Variants in RASGRF1 observed in about 807,000 individuals in gnomAD.
RASGRF1 encodes the protein Ras protein specific guanine nucleotide releasing factor 1, also known as ras-specific guanine nucleotide-releasing factor 1.
A neutral mutation model predicts 138.7 loss-of-function variants in RASGRF1; 40 were observed. That is an observed-to-expected ratio of 0.29 (90% confidence interval 0.22 to 0.38). The LOEUF (loss-of-function observed/expected upper bound fraction) is 0.38. Among genes scored for constraint, RASGRF1 ranks in the 10% least tolerant of loss-of-function variants. The pLI is 1.00. For missense variants in RASGRF1, 1,108 were observed against 1,650.4 expected (o/e 0.67, Z 5.69); for synonymous variants, 614 against 663.2 (o/e 0.93, Z 1.14).
intron 26 of RASGRF1, among the ~76,000 whole-genome samples, chr15:78,965,008 G>A (rs1445040703): frequency 1.3e-5 from 2 of 152,028 alleles, no homozygotes; most frequent in Non-Finnish European, 2.9e-5. Flanking sequence ...ATGAGCCACC[G>A]CGCCCGGCCG....
Position 78,973,447 on chromosome 15 carries a change from G to A in RASGRF1, c.3495-27C>T. On this transcript the variant is annotated intron_variant, in intron 24 of 26. Transcript: ENST00000558480. This position sits in a 1 kb window ranked among gnomAD's most constrained non-coding sequence, Gnocchi z 4.9. ...TTGGAAGCAAACGGCATTAACACAAGTTTTTCATTTTAAAAAAGTAACGTC... is the reference window on the plus strand; with the variant it reads ...TTGGAAGCAAACGGCATTAACACAAATTTTTCATTTTAAAAAAGTAACGTC... 1 of 1,522,402 alleles carries A rather than the reference G, an allele frequency of 6.6e-7. No homozygotes were observed. The highest frequency in any genetic ancestry group is 9.0e-7 in the Non-Finnish European group (1 of 1,105,404). 94.3% of individuals were successfully genotyped at this position (1,522,402 alleles called of 1,614,324 possible).
At chr15:78,971,271 T>C (rs1007343446) in intron 26 of RASGRF1, among the ~76,000 whole-genome samples, 1 of 152,328 alleles carries the variant, frequency 6.6e-6, no homozygotes, top group Middle Eastern at 3.4e-3. Flanking sequence ...AACCTAAATG[T>C]TCATCAATAC....
rs1052658546 is a variant in RASGRF1 at position 79,003,948 on chromosome 15, CTGGTGTAGCCATTGGAGT to C, written c.2285_2302del (p.Asn762_Thr767del). On this transcript the variant is annotated inframe_deletion, in exon 15 of 27. Transcript: ENST00000558480. Reference sequence around the variant, plus strand: ...GAAGGGTGACATGGCCGAGTACATGCTGGTGTAGCCATTGGAGTTGCAGCTGAGGGCGGCCAGGTCCAG... The same window carrying C: ...GAAGGGTGACATGGCCGAGTACATGCTGCAGCTGAGGGCGGCCAGGTCCAG... 23 of 1,614,074 alleles carry C rather than the reference CTGGTGTAGCCATTGGAGT, an allele frequency of 1.4e-5. No individual in the cohort carries two copies. Among genetic ancestry groups the C allele is most frequent in the Non-Finnish European group, 1.9e-5 (23 of 1,180,030 alleles).
At chr15:78,977,239 C>T (rs367928505) in intron 24 of RASGRF1, among the ~76,000 whole-genome samples, 2 of 152,164 alleles carry the variant, frequency 1.3e-5, no homozygotes, top group African/African-American at 4.8e-5. Context: ...GTGGGATGGG[C>T]TATTCTCTCT....
chr15:79,006,467 G>A lies in RASGRF1; in HGVS notation c.1827-33C>T. On this transcript the variant is annotated intron_variant, in intron 13 of 26. Coordinates refer to ENST00000558480, the MANE Select transcript of RASGRF1 (RefSeq NM_001145648.3). This position sits in a 1 kb window ranked among gnomAD's most constrained non-coding sequence, Gnocchi z 4.0. ...GGGAGGAAGGATGCAGAGGTGATGTGGGTCTAAAGGCATCTGAATGGCACC... is the reference window on the plus strand; with the variant it reads ...GGGAGGAAGGATGCAGAGGTGATGTAGGTCTAAAGGCATCTGAATGGCACC... 6.3e-7 allele frequency: 1 copy of A among 1,590,534 alleles called. No homozygotes were observed. The highest frequency in any genetic ancestry group is 8.5e-7 in the Non-Finnish European group (1 of 1,170,322).
chr15:79,013,587 T>C (rs1341082475), intron 13 of RASGRF1, among the ~76,000 whole-genome samples: 1 of 152,256 alleles, frequency 6.6e-6, no homozygotes, highest in East Asian at 1.9e-4. Flanking sequence ...ACCCAGATGA[T>C]TGTTCTGGCA....
Position 79,050,493 on chromosome 15 carries a change from G to A in RASGRF1, c.532-905C>T, listed in dbSNP as rs1201137476. 6.6e-6 allele frequency among the ~76,000 whole-genome samples: 1 copy of A among 152,152 alleles called. No individual in the cohort carries two copies. The highest frequency in any genetic ancestry group is 1.5e-5 in the Non-Finnish European group (1 of 68,020). ...GGTGGCTCCGGGTGAAGTCCTGCTGGCTTGGCGCTTTCCTTCCTGGGCAGC... is the reference window on the plus strand; with the variant it reads ...GGTGGCTCCGGGTGAAGTCCTGCTGACTTGGCGCTTTCCTTCCTGGGCAGC... On this transcript the variant is annotated intron_variant, in intron 3 of 26. Coordinates refer to ENST00000558480, the MANE Select transcript of RASGRF1 (RefSeq NM_001145648.3). The surrounding 1 kb of genome is among the most constrained non-coding windows in gnomAD (Gnocchi z 4.1).
intron 10 of RASGRF1, among the ~76,000 whole-genome samples, chr15:79,024,056 T>C (rs868496920): frequency 1.1e-4 from 15 of 133,704 alleles, no homozygotes; most frequent in African/African-American, 4.0e-4. Context: ...CACACACACA[T>C]ACACATACAC....
chr15:79,069,368 A>G (rs1441614986), intron 1 of RASGRF1, among the ~76,000 whole-genome samples: 3 of 152,194 alleles, frequency 2.0e-5, no homozygotes, highest in Admixed American at 1.3e-4. Flanking sequence ...ACACTGCTGT[A>G]TCTCTCAGGG....
chr15:79,031,812 G>A (rs1384776048), intron 7 of RASGRF1, among the ~76,000 whole-genome samples: 2 of 152,070 alleles, frequency 1.3e-5, no homozygotes, highest in African/African-American at 2.4e-5. Context: ...GAGCAGAACT[G>A]AGGAAGGAGA....
At position 79,071,544 on chromosome 15, in the gene RASGRF1, A is replaced by G. The variant is rs867953795; in HGVS notation, c.277-7018T>C. Among the ~76,000 whole-genome samples the G allele has an allele frequency of 1.2e-4, 16 of 130,182 alleles. No individual in the cohort carries two copies. In the South Asian group the frequency reaches 3.8e-3, roughly 31 times the overall value. The allele number at this position is 130,182 out of a possible 152,430, so 85.4% of individuals were successfully genotyped here. ...CCGGCTAATTTTTTTTTTTTTTTGT[A>G]TTTTTAGTAGAGACGGGGTTTTGCC... is the stretch of plus-strand genomic sequence containing the variant. On this transcript the variant is annotated intron_variant, in intron 1 of 26. Coordinates refer to ENST00000558480, the MANE Select transcript of RASGRF1 (RefSeq NM_001145648.3).
chr15:79,045,317 G>C (rs1373204), intron 5 of RASGRF1, among the ~76,000 whole-genome samples: 1 of 152,276 alleles, frequency 6.6e-6, no homozygotes, highest in African/African-American at 2.4e-5. Flanking sequence ...CAAGGAACAC[G>C]TTCTTCACAT....
chr15:79,019,068 C>CGTGTGTGT (rs147205114), intron 11 of RASGRF1, among the ~76,000 whole-genome samples: 3 of 151,236 alleles, frequency 2.0e-5, no homozygotes, highest in African/African-American at 2.4e-5. Flanking sequence ...TGCATGAGGG[C>CGTGTGTGT]GTGTGTGTGT....
intron 1 of RASGRF1, among the ~76,000 whole-genome samples, chr15:79,078,953 G>A (rs927354235): frequency 6.6e-6 from 1 of 152,228 alleles, no homozygotes; most frequent in Admixed American, 6.5e-5. Context: ...CTCGCTGGGA[G>A]TTGAGAGGAA....
chr15:78,987,884 T>C (rs1317090542), intron 22 of RASGRF1, among the ~76,000 whole-genome samples: 2 of 152,162 alleles, frequency 1.3e-5, no homozygotes, highest in Admixed American at 1.3e-4. Context: ...GGAACCTTGC[T>C]TGCCTTACAC....
At chr15:79,017,643 G>T (rs774019366) in intron 12 of RASGRF1, 127 bp downstream of exon 12, 2 of 1,216,334 alleles carry the variant, frequency 1.6e-6, no homozygotes, top group Non-Finnish European at 2.2e-6. Context: ...GAAGATTCTT[G>T]CATCTTTCTC....
At chr15:78,992,297 G>A (rs957239293) in intron 20 of RASGRF1, among the ~76,000 whole-genome samples, 1 of 152,258 alleles carries the variant, frequency 6.6e-6, no homozygotes, top group African/African-American at 2.4e-5. Context: ...CCTGTGCTCA[G>A]AAGACAGCTG....
chr15:79,084,629 C>T (rs545844105), intron 1 of RASGRF1, among the ~76,000 whole-genome samples: 51 of 152,300 alleles, frequency 3.3e-4, no homozygotes, highest in African/African-American at 1.1e-3. Context: ...CGTGGGGCTC[C>T]GCTGGTTTCT....
chr15:79,035,747 G>C (rs1002836400), intron 5 of RASGRF1, among the ~76,000 whole-genome samples: 1 of 152,224 alleles, frequency 6.6e-6, no homozygotes, highest in Non-Finnish European at 1.5e-5. Flanking sequence ...CCAGCCTCGA[G>C]TCCTTCTGTG....
Sources: allele counts gnomAD v4.1 joint callset (sites outside exome capture counted in the v4.1 genomes callset), GRCh38; gene constraint gnomAD v4.1.1; non-coding constraint Gnocchi (gnomAD v3.1); transcripts MANE v1.5; gene names NCBI Gene and HGNC (gene_info 2026-07-23, HGNC 2026-07-21).